The following HTR2C variants were observed in gnomAD, a reference collection of about 807,000 sequenced individuals.
HTR2C encodes the protein 5-hydroxytryptamine receptor 2C.
HTR2C carries 5 observed loss-of-function variants against 21.0 expected under a neutral mutation model. The ratio of observed to expected loss-of-function variants is 0.24; its 90% CI spans 0.12 to 0.50. The LOEUF (loss-of-function observed/expected upper bound fraction) is 0.50. HTR2C is among the 20% of genes least tolerant of loss of function. HTR2C has a pLI of 0.98. For missense variants in HTR2C, 271 were observed against 371.2 expected (o/e 0.73, Z 2.22); for synonymous variants, 150 against 145.3 (o/e 1.03, Z -0.23).
chrX:114,592,174 A>G (rs1927660827), intron 1 of HTR2C, among the ~76,000 whole-genome samples: 1 of 112,520 alleles, frequency 8.9e-6, no homozygotes, highest in Admixed American at 9.4e-5. Context: ...GGGGAAGAGA[A>G]CATGGAGAAA....
At chrX:114,630,890 C>T in intron 2 of HTR2C, 1 of 370,650 alleles carries the variant, frequency 2.7e-6, no homozygotes, top group Non-Finnish European at 5.3e-6. Flanking sequence ...GAGAGTCACA[C>T]CGTGGGCTAC....
chrX:114,831,673 C>G (rs1202045999), intron 4 of HTR2C, among the ~76,000 whole-genome samples: 5 of 107,447 alleles, frequency 4.7e-5, no homozygotes, highest in Non-Finnish European at 9.6e-5. Flanking sequence ...ATGGTAGTTT[C>G]TTTTGCTGTG....
chrX:114,650,644 G>A (rs1307609913), intron 2 of HTR2C, among the ~76,000 whole-genome samples: 1 of 111,691 alleles, frequency 9.0e-6, no homozygotes, highest in Non-Finnish European at 1.9e-5. Context: ...ATCTTTCACA[G>A]CATTATTACT....
intron 4 of HTR2C, among the ~76,000 whole-genome samples, chrX:114,777,180 T>C (rs971570086): frequency 8.9e-6 from 1 of 112,218 alleles, no homozygotes. Context: ...GACTGCCCTT[T>C]TCTGCATTTA....
intron 2 of HTR2C, among the ~76,000 whole-genome samples, chrX:114,690,076 C>T (rs1556414915): frequency 1.8e-5 from 2 of 111,767 alleles, no homozygotes. Context: ...GCATCTGTCA[C>T]GTCTATCACT....
At chrX:114,764,913 T>TTCTC (rs1556434055) in intron 4 of HTR2C, among the ~76,000 whole-genome samples, 3 of 72,431 alleles carry the variant, frequency 4.1e-5, no homozygotes, top group Admixed American at 1.9e-4. Flanking sequence ...CTTTCTTTCT[T>TTCTC]TCTTTCTTTC....
At chrX:114,794,826 A>G (rs1270235950) in intron 4 of HTR2C, among the ~76,000 whole-genome samples, 1 of 109,714 alleles carries the variant, frequency 9.1e-6, no homozygotes, top group African/African-American at 3.3e-5. Flanking sequence ...GAATAGTGCC[A>G]CAATAAACAA....
chrX:114,686,832 T>A (rs781866139), intron 2 of HTR2C, among the ~76,000 whole-genome samples: 322 of 111,265 alleles, frequency 2.9e-3, no homozygotes, highest in African/African-American at 9.6e-3. Flanking sequence ...ATAGCAAAAT[T>A]TTATAACGTT....
intron 4 of HTR2C, among the ~76,000 whole-genome samples, chrX:114,806,596 T>TCATATATACAC (rs1231364335): frequency 1.8e-5 from 1 of 54,239 alleles, no homozygotes; most frequent in African/African-American, 7.3e-5. Context: ...ATCATATATA[T>TCATATATACAC]CATATATACA....
chrX:114,798,922 G>A (rs2070320658), intron 4 of HTR2C, among the ~76,000 whole-genome samples: 1 of 110,387 alleles, frequency 9.1e-6, no homozygotes, highest in African/African-American at 3.3e-5. Context: ...TTTTGATAAA[G>A]TTATTTCCAT....
intron 2 of HTR2C, among the ~76,000 whole-genome samples, chrX:114,704,120 T>C (rs1932673270): frequency 9.0e-6 from 1 of 111,624 alleles, no homozygotes; most frequent in Non-Finnish European, 1.9e-5. Flanking sequence ...AGCTGAATTC[T>C]ACTGGAGGTA....
intron 4 of HTR2C, among the ~76,000 whole-genome samples, chrX:114,807,632 G>C (rs782025156): frequency 6.7e-4 from 71 of 105,887 alleles, no homozygotes; most frequent in African/African-American, 2.3e-3. Flanking sequence ...TCCTTTCTTT[G>C]TGTTACAAAC....
chrX:114,626,367 C>T (rs1414530052), intron 2 of HTR2C, among the ~76,000 whole-genome samples: 2 of 89,665 alleles, frequency 2.2e-5, no homozygotes, highest in African/African-American at 8.4e-5. Context: ...CTAGCCTGGG[C>T]AACAGAAGGA....
chrX:114,836,735 G>A (rs782214278), intron 4 of HTR2C, among the ~76,000 whole-genome samples: 85 of 111,483 alleles, frequency 7.6e-4, no homozygotes, highest in African/African-American at 2.6e-3. Flanking sequence ...CCTCCCCCTC[G>A]GTAACTTTTT....
chrX:114,702,764 G>C (rs1295551980), intron 2 of HTR2C, among the ~76,000 whole-genome samples: 61 of 105,958 alleles, frequency 5.8e-4, no homozygotes, highest in African/African-American at 2.0e-3. Context: ...ACACAGACTG[G>C]CAAATTGGAT....
At chrX:114,670,394 C>CAAAAAAAAAAA (rs35858180) in intron 2 of HTR2C, among the ~76,000 whole-genome samples, 4 of 63,521 alleles carry the variant, frequency 6.3e-5, no homozygotes, top group African/African-American at 2.4e-4. Context: ...TACTCTGTCT[C>CAAAAAAAAAAA]AAAAAAAAAA....
intron 4 of HTR2C, among the ~76,000 whole-genome samples, chrX:114,835,363 C>G (rs1393850395): frequency 9.2e-6 from 1 of 108,165 alleles, no homozygotes; most frequent in Non-Finnish European, 1.9e-5. Flanking sequence ...TAGATTTGGT[C>G]TTTTCACATA....
At chrX:114,869,153 C>G (rs943204874) in intron 5 of HTR2C, among the ~76,000 whole-genome samples, 16 of 111,360 alleles carry the variant, frequency 1.4e-4, no homozygotes, top group African/African-American at 5.2e-4. Flanking sequence ...CATTCATGTC[C>G]CTGCAAAGGA....
At chrX:114,766,141 G>T (rs1556434955) in intron 4 of HTR2C, among the ~76,000 whole-genome samples, 2 of 111,627 alleles carry the variant, frequency 1.8e-5, no homozygotes, top group African/African-American at 3.2e-5. Flanking sequence ...GCTTGAACTA[G>T]ATTTTTTTTG....
Sources: gnomAD v4.1 joint callset for allele counts (sites outside exome capture counted in the v4.1 genomes callset) on GRCh38, gnomAD v4.1.1 for gene constraint, MANE v1.5 for transcripts, NCBI Gene and HGNC (gene_info 2026-07-23, HGNC 2026-07-21) for gene names.